BAZ2B: variants seen among roughly 807,000 people sequenced by gnomAD.
The protein encoded by BAZ2B is bromodomain adjacent to zinc finger domain 2B, also known as bromodomain adjacent to zinc finger domain protein 2B.
In BAZ2B, 91 loss-of-function variants were observed where a neutral mutation model predicts 246.0. That is an observed-to-expected ratio of 0.37 (90% confidence interval 0.31 to 0.44). The LOEUF (loss-of-function observed/expected upper bound fraction) is 0.44, where lower values mean the gene tolerates loss of function less well. BAZ2B is among the 20% of genes least tolerant of loss of function. The probability of loss-of-function intolerance (pLI) is 1.00; values close to 1 mark genes in which losing one functional copy is unlikely to be tolerated. For missense variants in BAZ2B, 2,332 were observed against 2,533.7 expected (o/e 0.92, Z 1.71); for synonymous variants, 855 against 860.0 (o/e 0.99, Z 0.10).
chr2:159,644,229 T>C, the BAZ2B span, among the ~76,000 whole-genome samples: 2 of 152,170 alleles, frequency 1.3e-5, no homozygotes, highest in Non-Finnish European at 1.5e-5. Context: ...AAAAATACAA[T>C]GGTGGGCTAT....
chr2:159,424,542 A>G (rs1484294579), intron 13 of BAZ2B, among the ~76,000 whole-genome samples: 5 of 152,200 alleles, frequency 3.3e-5, no homozygotes, highest in Admixed American at 3.3e-4. Flanking sequence ...TTATGTGTTA[A>G]GTAAAATTAG....
intron 2 of BAZ2B, among the ~76,000 whole-genome samples, chr2:159,521,332 A>T (rs2084107650): frequency 6.6e-6 from 1 of 152,108 alleles, no homozygotes; most frequent in Non-Finnish European, 1.5e-5. Context: ...CAACAAAAGA[A>T]TATTATTCAA....
chr2:159,385,895 T>C (rs548249802), intron 22 of BAZ2B, among the ~76,000 whole-genome samples: 1 of 152,246 alleles, frequency 6.6e-6, no homozygotes, highest in African/African-American at 2.4e-5. Context: ...GTATACTGTA[T>C]TTGGAATTAA....
chr2:159,582,863 T>A (rs1283251511), intron 1 of BAZ2B, among the ~76,000 whole-genome samples: 4 of 152,188 alleles, frequency 2.6e-5, no homozygotes, highest in Non-Finnish European at 5.9e-5. Context: ...CTTAAATGCT[T>A]ATAATAATCA....
At chr2:159,388,073 A>G (rs2062844534) in intron 21 of BAZ2B, among the ~76,000 whole-genome samples, 1 of 152,026 alleles carries the variant, frequency 6.6e-6, no homozygotes, top group Admixed American at 6.6e-5. Context: ...ACATGTATAC[A>G]TATGTAACTA....
chr2:159,631,857 A>G, the BAZ2B span, among the ~76,000 whole-genome samples: 5 of 152,246 alleles, frequency 3.3e-5, no homozygotes, highest in African/African-American at 1.2e-4. Flanking sequence ...CAAATGGTAC[A>G]TGCAAATATA....
At chr2:159,375,533 T>A (rs947546002) in intron 25 of BAZ2B, among the ~76,000 whole-genome samples, 1 of 152,200 alleles carries the variant, frequency 6.6e-6, no homozygotes, top group Non-Finnish European at 1.5e-5. Flanking sequence ...ATTAACAAAA[T>A]GATCCTTTGA....
At chr2:159,585,071 A>G (rs962959896) in intron 1 of BAZ2B, among the ~76,000 whole-genome samples, 4 of 152,200 alleles carry the variant, frequency 2.6e-5, no homozygotes, top group Admixed American at 2.0e-4. Context: ...CCCAGTCTCA[A>G]GTATTTCTTT....
the BAZ2B span, among the ~76,000 whole-genome samples, chr2:159,628,208 T>C: frequency 6.6e-6 from 1 of 152,188 alleles, no homozygotes; most frequent in Non-Finnish European, 1.5e-5. Flanking sequence ...TGCTCATGGA[T>C]AGGAAGAGTC....
chr2:159,361,820 C>G (rs879605247), intron 27 of BAZ2B, among the ~76,000 whole-genome samples: 1 of 152,076 alleles, frequency 6.6e-6, no homozygotes, highest in Non-Finnish European at 1.5e-5. Context: ...ATGGATGAAG[C>G]TGGAAACCAT....
intron 31 of BAZ2B, among the ~76,000 whole-genome samples, chr2:159,345,310 T>C (rs1424531701): frequency 1.3e-5 from 2 of 149,728 alleles, no homozygotes; most frequent in Non-Finnish European, 3.0e-5. Context: ...ATATATATTG[T>C]TTCAAGTAGC....
chr2:159,344,820 A>C (rs2067470412), intron 31 of BAZ2B, among the ~76,000 whole-genome samples: 1 of 152,192 alleles, frequency 6.6e-6, no homozygotes, highest in South Asian at 2.1e-4. Flanking sequence ...GCTTGAAAAA[A>C]AACTGATCTC....
At chr2:159,350,674 G>A (rs994203295) in intron 27 of BAZ2B, among the ~76,000 whole-genome samples, 17 of 152,144 alleles carry the variant, frequency 1.1e-4, no homozygotes, top group African/African-American at 4.1e-4. Context: ...GGGTTCAAGC[G>A]ATTCTCCTGC....
intron 14 of BAZ2B, 53 bp from the exon 15 acceptor site, chr2:159,405,167 C>A: frequency 1.4e-6 from 2 of 1,436,738 alleles, no homozygotes; most frequent in South Asian, 2.3e-5. Flanking sequence ...AACTACTAAC[C>A]AAAAACAATA....
At position 159,433,008 on chromosome 2, in the gene BAZ2B, G is replaced by C. The variant is rs1208815744; in HGVS notation, c.1649C>G (p.Pro550Arg). ...GATGGGAGAGGCAGAGGGCATTACA[G>C]GTGTCTGATTGCCAGGGGTTCTTCT... is the stretch of plus-strand genomic sequence containing the variant. ...SGRRTPGNQT[P>R]VMPSASPILH... The change falls in exon 9 of 37, where the codon CCT (proline) becomes CGT (arginine). Residue 550 changes from proline to arginine, a missense_variant. This residue lies in a region of BAZ2B where 651 missense variants were observed against 650.9 expected (regional missense o/e 1.00). Coordinates refer to ENST00000392783, the MANE Select transcript of BAZ2B (RefSeq NM_013450.4). 5 of 1,614,056 alleles carry C rather than the reference G, an allele frequency of 3.1e-6. No homozygotes were observed. In the South Asian group the frequency reaches 5.5e-5, roughly 18 times the overall value.
At chr2:159,447,579 ATACT>A (rs1406853771) in intron 5 of BAZ2B, among the ~76,000 whole-genome samples, 25 of 152,202 alleles carry the variant, frequency 1.6e-4, no homozygotes, top group African/African-American at 6.0e-4. Context: ...AATGAAGTTA[ATACT>A]TAATTACAAA....
intron 1 of BAZ2B, among the ~76,000 whole-genome samples, chr2:159,558,448 C>T (rs955977036): frequency 3.3e-5 from 5 of 151,914 alleles, no homozygotes; most frequent in Admixed American, 2.6e-4. Context: ...TTAGTAGAGA[C>T]GGGGTTTCTC....
chr2:159,334,048 G>T (rs2065220763), intron 33 of BAZ2B, among the ~76,000 whole-genome samples: 1 of 151,960 alleles, frequency 6.6e-6, no homozygotes, highest in African/African-American at 2.4e-5. Flanking sequence ...TATTCACTGA[G>T]AAATAACAAT....
rs368221966 is a variant in BAZ2B, at chr2:159,433,084, C to T, written c.1573G>A (p.Ala525Thr). ...MQSKINENIA[A>T]ASSTPFSSPV... ...GAGGAAAAAGGGGTGCTACTTGCAG[C>T]AGCAATGTTTTCATTAATCTTGCTC... The change falls in exon 9 of 37, where the codon GCT (alanine) becomes ACT (threonine). Residue 525 changes from alanine to threonine, a missense_variant. Physicochemically the swap from Ala to Thr is moderately conservative, Grantham distance 58. Transcript: ENST00000392783. 2 of 1,614,190 alleles carry T rather than the reference C, an allele frequency of 1.2e-6. No individual in the cohort carries two copies. The highest frequency in any genetic ancestry group is 8.5e-7 in the Non-Finnish European group (1 of 1,180,016).
Sources: allele counts gnomAD v4.1 joint callset (sites outside exome capture counted in the v4.1 genomes callset), GRCh38; gene constraint gnomAD v4.1.1; regional missense constraint gnomAD v4.1.1; transcripts MANE v1.5; gene names NCBI Gene and HGNC (gene_info 2026-07-23, HGNC 2026-07-21).